EPHA5: variants seen among roughly 807,000 people sequenced by gnomAD.
EPHA5 encodes EPH receptor A5, also known as ephrin type-A receptor 5.
A neutral mutation model predicts 105.0 loss-of-function variants in EPHA5; 60 were observed. The observed-to-expected ratio is 0.57, with a 90% CI of 0.46 to 0.71. The LOEUF is 0.71. Ranked by LOEUF, EPHA5 falls within the 30% of genes least tolerant of loss-of-function variation. The probability of loss-of-function intolerance (pLI) is 0.00; values close to 1 mark genes in which losing one functional copy is unlikely to be tolerated. For missense variants in EPHA5, 1,218 were observed against 1,274.7 expected (o/e 0.96, Z 0.68); for synonymous variants, 513 against 449.1 (o/e 1.14, Z -1.80).
chr4:65,388,730 G>C (rs1720393230), intron 8 of EPHA5, among the ~76,000 whole-genome samples: 1 of 148,398 alleles, frequency 6.7e-6, no homozygotes, highest in South Asian at 2.2e-4. Flanking sequence ...TGTCAGATGA[G>C]TAGGTTGCGA....
chr4:65,427,305 C>T (rs552605288), intron 5 of EPHA5, among the ~76,000 whole-genome samples: 83 of 151,490 alleles, frequency 5.5e-4, no homozygotes, highest in Middle Eastern at 3.4e-3. Context: ...CTGCCTCAGC[C>T]TCCCGAGTAG....
intron 16 of EPHA5, 111 bp from the exon 17 acceptor site, chr4:65,324,330 C>T (rs940555546): frequency 9.4e-6 from 6 of 639,516 alleles, no homozygotes; most frequent in African/African-American, 9.3e-5. Context: ...GATTACAGTC[C>T]TAATTTAGAC....
rs559819371 is a variant in EPHA5 at position 65,547,558 on chromosome 4, A to G, written c.911-52015T>C. Among the ~76,000 whole-genome samples the G allele has an allele frequency of 5.3e-5, 8 of 152,210 alleles. No homozygotes were observed. In the East Asian group the frequency reaches 1.2e-3, roughly 22 times the overall value. ...AGTCATTTCTGGTATCTTTCATATAAGAAAAAAGATTAGACTTCCTCTTTT... is the reference window on the plus strand; with the variant it reads ...AGTCATTTCTGGTATCTTTCATATAGGAAAAAAGATTAGACTTCCTCTTTT... On this transcript the variant is annotated intron_variant, in intron 3 of 16. Coordinates refer to ENST00000613740, the MANE Select transcript of EPHA5 (RefSeq NM_001281766.3).
intron 5 of EPHA5, among the ~76,000 whole-genome samples, chr4:65,428,119 T>C (rs1724626669): frequency 6.6e-6 from 1 of 152,086 alleles, no homozygotes; most frequent in African/African-American, 2.4e-5. Flanking sequence ...TTTGCTATCT[T>C]TGTTTTGGGG....
In EPHA5 at chr4:65,365,285, A is replaced by G. The variant is rs1005320671; in HGVS notation, c.1988-83T>C. 5 of 1,153,656 alleles carry G rather than the reference A, an allele frequency of 4.3e-6. No homozygotes were observed. The Admixed American group carries it at 8.7e-5, about 20-fold the overall frequency. 71.5% of individuals were successfully genotyped at this position (1,153,656 alleles called of 1,614,324 possible). ...ACTTGTATGCCCTCTTAGACTACTA[A>G]GGCTTAGATGAAAAAACAAACAAAC... On this transcript the variant is annotated intron_variant, in intron 10 of 16. Coordinates refer to ENST00000613740, the MANE Select transcript of EPHA5 (RefSeq NM_001281766.3).
At chr4:65,371,896 G>T (rs936343129) in intron 8 of EPHA5, among the ~76,000 whole-genome samples, 3 of 151,946 alleles carry the variant, frequency 2.0e-5, no homozygotes, top group Admixed American at 6.6e-5. Context: ...GTGAGCATAT[G>T]CAGTGTCTAG....
At chr4:65,564,346 A>G (rs1371967585) in intron 3 of EPHA5, among the ~76,000 whole-genome samples, 3 of 151,858 alleles carry the variant, frequency 2.0e-5, no homozygotes, top group Non-Finnish European at 2.9e-5. Flanking sequence ...AAGTTTAGGT[A>G]ATTACTGGGG....
At chr4:65,446,975 A>ATTTTTTTTTTTTTTTTTTTTTTT (rs397993760) in intron 5 of EPHA5, among the ~76,000 whole-genome samples, 4 of 112,918 alleles carry the variant, frequency 3.5e-5, no homozygotes, top group Non-Finnish European at 3.6e-5. Flanking sequence ...TTAAAAGCTC[A>ATTTTTTTTTTTTTTTTTTTTTTT]TTTTTTTTTT....
intron 3 of EPHA5, among the ~76,000 whole-genome samples, chr4:65,536,174 A>C (rs1736266594): frequency 1.3e-5 from 2 of 151,934 alleles, no homozygotes; most frequent in African/African-American, 2.4e-5. Flanking sequence ...ATTACTTTGA[A>C]TGGGTGGATC....
intron 3 of EPHA5, among the ~76,000 whole-genome samples, chr4:65,567,629 A>C (rs529083626): frequency 4.7e-4 from 72 of 151,720 alleles, no homozygotes; most frequent in African/African-American, 1.5e-3. Context: ...TGATTTTTAC[A>C]GAATTTCAAC....
chr4:65,374,888 T>C (rs1315075371), intron 8 of EPHA5, among the ~76,000 whole-genome samples: 2 of 151,922 alleles, frequency 1.3e-5, no homozygotes, highest in African/African-American at 2.4e-5. Context: ...CAAAATTAGA[T>C]GACGGGATTT....
intron 7 of EPHA5, among the ~76,000 whole-genome samples, chr4:65,413,154 T>C (rs1220910976): frequency 6.6e-6 from 1 of 152,142 alleles, no homozygotes; most frequent in African/African-American, 2.4e-5. Flanking sequence ...ATATCACATG[T>C]TCCTATTAAA....
chr4:65,543,116 T>C (rs1257876080), intron 3 of EPHA5, among the ~76,000 whole-genome samples: 1 of 152,186 alleles, frequency 6.6e-6, no homozygotes, highest in African/African-American at 2.4e-5. Flanking sequence ...GCCAATATCA[T>C]ACTGAATAGG....
At chr4:65,390,760 A>G (rs917705346) in intron 8 of EPHA5, among the ~76,000 whole-genome samples, 6 of 152,108 alleles carry the variant, frequency 3.9e-5, no homozygotes, top group African/African-American at 1.4e-4. Flanking sequence ...CAGTGTGACG[A>G]TGAAAGCAGA....
intron 8 of EPHA5, among the ~76,000 whole-genome samples, chr4:65,389,024 C>T (rs1386829465): frequency 2.0e-5 from 3 of 151,850 alleles, no homozygotes; most frequent in Admixed American, 6.6e-5. Context: ...TTTGATGATT[C>T]CTTGTTGGAG....
intron 8 of EPHA5, among the ~76,000 whole-genome samples, chr4:65,400,785 A>T (rs1414980906): frequency 6.6e-6 from 1 of 152,146 alleles, no homozygotes; most frequent in Non-Finnish European, 1.5e-5. Context: ...TTTTCAGTGA[A>T]TATGGATCTT....
rs1560720864 is a variant in EPHA5 at position 65,576,029 on chromosome 4, AGAAAGAAAG to A, written c.910+25603_910+25611del. On this transcript the variant is annotated intron_variant, in intron 3 of 16. Transcript: ENST00000613740. ...AAGAAAGAAAGAAAGAAAGAAAGAA[AGAAAGAAAG>A]AAAGAAAGAAAGAAAGAAAGAAAAG... 2.9e-4 allele frequency among the ~76,000 whole-genome samples: 35 copies of A among 118,940 alleles called. 1 individual carries two copies. The Admixed American group carries it at 3.2e-3, about 11-fold the overall frequency. 78.0% of individuals were successfully genotyped at this position (118,940 alleles called of 152,430 possible).
At chr4:65,411,292 T>G (rs1722885003) in intron 7 of EPHA5, among the ~76,000 whole-genome samples, 1 of 152,044 alleles carries the variant, frequency 6.6e-6, no homozygotes. Flanking sequence ...TAGGGCTATA[T>G]TTTGACTTAC....
intron 11 of EPHA5, among the ~76,000 whole-genome samples, chr4:65,357,372 T>C (rs1196098629): frequency 2.0e-5 from 3 of 151,516 alleles, no homozygotes; most frequent in Non-Finnish European, 4.4e-5. Context: ...TACTGAGATG[T>C]CTACAAATTC....
Sources: gnomAD v4.1 joint callset for allele counts (sites outside exome capture counted in the v4.1 genomes callset) on GRCh38, gnomAD v4.1.1 for gene constraint, MANE v1.5 for transcripts, NCBI Gene and HGNC (gene_info 2026-07-23, HGNC 2026-07-21) for gene names.